KIFC3: variants seen among roughly 807,000 people sequenced by gnomAD.
KIFC3 encodes the protein kinesin-like protein KIFC3.
KIFC3 carries 60 observed loss-of-function variants against 101.8 expected under a neutral mutation model. The observed-to-expected ratio is 0.59, with a 90% CI of 0.48 to 0.73. The LOEUF (loss-of-function observed/expected upper bound fraction) is 0.73. Among genes scored for constraint, KIFC3 ranks in the 30% least tolerant of loss-of-function variants. The pLI, the probability that KIFC3 is intolerant of heterozygous loss-of-function variation, is 0.00. For synonymous variants in KIFC3, 476 were observed against 482.7 expected (o/e 0.99, Z 0.18); for missense variants, 966 against 1,137.1 (o/e 0.85, Z 2.16).
chr16:57,818,774 G>A (rs2055286543), intron 1 of KIFC3, among the ~76,000 whole-genome samples: 1 of 152,202 alleles, frequency 6.6e-6, no homozygotes, highest in African/African-American at 2.4e-5. Flanking sequence ...TATTTGCCCA[G>A]CGTGGTCAAT....
upstream of KIFC3, among the ~76,000 whole-genome samples, chr16:57,803,921 C>T (rs189300530): frequency 6.6e-6 from 1 of 152,140 alleles, no homozygotes; most frequent in African/African-American, 2.4e-5. Context: ...TGGATGAAGG[C>T]AAAATGTCTC....
intron 1 of KIFC3, among the ~76,000 whole-genome samples, chr16:57,809,535 C>G (rs2055017021): frequency 6.6e-6 from 1 of 152,180 alleles, no homozygotes; most frequent in African/African-American, 2.4e-5. Context: ...TCCGTAGGGT[C>G]TGATATTTGA....
At chr16:57,837,084 A>C (rs1479265493) in intron 1 of KIFC3, among the ~76,000 whole-genome samples, 3 of 152,078 alleles carry the variant, frequency 2.0e-5, no homozygotes, top group Non-Finnish European at 2.9e-5. Flanking sequence ...ATGTGTGTGT[A>C]TGTGTTTTGT....
chr16:57,780,578 TA>T (rs1400337211), intron 3 of KIFC3, among the ~76,000 whole-genome samples: 98 of 140,178 alleles, frequency 7.0e-4, no homozygotes, highest in African/African-American at 1.9e-3. Flanking sequence ...TAAAATGATT[TA>T]AAAAAAAAAA....
rs782647619 is a variant in KIFC3 at position 57,765,614 on chromosome 16, G to A, written c.1357C>T (p.Arg453Trp). ...KGNIRVIARV[R>W]PVTKEDGEGP... ...TCCCCATCCTCTTTGGTGACTGGCC[G>A]GACACGAGCAATCACTCGGATGTTC... The change falls in exon 11 of 20, where the codon CGG becomes TGG. Residue 453 changes from arginine (R) to tryptophan (W), a missense_variant. Arg to Trp is a moderately radical substitution (Grantham distance 101). This residue lies in a region of KIFC3 where 689 missense variants were observed against 884.6 expected (regional missense o/e 0.78). Transcript: ENST00000445690. The A allele has an allele frequency of 3.7e-6, 6 of 1,611,470 alleles. No individual in the cohort carries two copies. The highest frequency in any genetic ancestry group is 2.2e-5 in the South Asian group (2 of 90,216).
intron 1 of KIFC3, chr16:57,813,914 C>A: frequency 1.1e-6 from 1 of 951,810 alleles, no homozygotes; most frequent in Non-Finnish European, 1.3e-6. Flanking sequence ...ACCCTGGCAC[C>A]GGGTAGGGGC....
intron 16 of KIFC3, 104 bp from the exon 17 acceptor site, chr16:57,760,520 G>T: frequency 7.2e-7 from 1 of 1,398,042 alleles, no homozygotes; most frequent in East Asian, 2.3e-5. Context: ...TCCTGGAGAG[G>T]CCTGAGGGAT....
intron 1 of KIFC3, among the ~76,000 whole-genome samples, chr16:57,858,452 T>C (rs1334428787): frequency 6.6e-6 from 1 of 152,166 alleles, no homozygotes; most frequent in Non-Finnish European, 1.5e-5. Context: ...AGCAGAAAGA[T>C]ATCCAATATA....
chr16:57,823,096 TC>T (rs1555630145), intron 1 of KIFC3, among the ~76,000 whole-genome samples: 1 of 152,162 alleles, frequency 6.6e-6, no homozygotes, highest in Non-Finnish European at 1.5e-5. Flanking sequence ...AATTCAAAAG[TC>T]GACCAGCATT....
At chr16:57,775,222 A>G in intron 3 of KIFC3, 1 of 1,319,504 alleles carries the variant, frequency 7.6e-7, no homozygotes, top group Non-Finnish European at 9.6e-7. Context: ...GCTGGGGAGC[A>G]TGGGGGATGG....
chr16:57,787,072 T>C (rs11076204), intron 3 of KIFC3, among the ~76,000 whole-genome samples: 39,219 of 152,228 alleles, frequency 0.26, 6,682 homozygotes, highest in African/African-American at 0.48. Context: ...GCCAAGCTCC[T>C]GCGATCTGTT....
chr16:57,772,555 A>C (rs2051393817), intron 3 of KIFC3, among the ~76,000 whole-genome samples: 1 of 152,172 alleles, frequency 6.6e-6, no homozygotes, highest in South Asian at 2.1e-4. Flanking sequence ...GGGCAAGTGC[A>C]ACCAAGGCCA....
At chr16:57,786,543 G>A (rs1555617815) in intron 3 of KIFC3, among the ~76,000 whole-genome samples, 1 of 152,096 alleles carries the variant, frequency 6.6e-6, no homozygotes, top group Non-Finnish European at 1.5e-5. Context: ...GAGGAGGGAT[G>A]GGGGGTTTGC....
At chr16:57,765,980 C>T (rs2965793) in intron 10 of KIFC3, 123,919 of 215,522 alleles carry the variant, frequency 0.57, 39,540 homozygotes, top group Non-Finnish European at 0.69. Context: ...GTTTCTTCAT[C>T]CAGACAATGA....
intron 1 of KIFC3, among the ~76,000 whole-genome samples, chr16:57,858,554 G>T (rs1359873804): frequency 6.6e-6 from 1 of 152,174 alleles, no homozygotes; most frequent in East Asian, 1.9e-4. Context: ...CTGGAGTTCT[G>T]CTCCAGGTGT....
intron 1 of KIFC3, among the ~76,000 whole-genome samples, chr16:57,821,515 T>G (rs1555629914): frequency 1.3e-5 from 2 of 152,132 alleles, no homozygotes; most frequent in Admixed American, 6.5e-5. Context: ...AGGCAGTGAT[T>G]TCTAGACTCA....
At position 57,802,261 on chromosome 16, in the gene KIFC3, G is replaced by T; in HGVS notation, c.-40+109C>A. ...CTCCCCGCGCCCATAGCGGGTCCGG[G>T]CAGAGGGGTCCCGAGGGCAGGGCCG... On this transcript the variant is annotated intron_variant, in intron 1 of 19. Transcript: ENST00000445690. The surrounding 1 kb of genome is among the most constrained non-coding windows in gnomAD (Gnocchi z 5.0). 1 of 532,814 alleles carries T rather than the reference G, an allele frequency of 1.9e-6. No homozygotes were observed. Among genetic ancestry groups the T allele is most frequent in the Non-Finnish European group, 2.4e-6 (1 of 416,128 alleles). The allele number at this position is 532,814 out of a possible 1,614,324, so 33.0% of individuals were successfully genotyped here.
intron 1 of KIFC3, among the ~76,000 whole-genome samples, chr16:57,828,355 G>C (rs2055501019): frequency 6.6e-6 from 1 of 152,246 alleles, no homozygotes; most frequent in Non-Finnish European, 1.5e-5. Context: ...GCCCAAGGCT[G>C]TGCCGCCATT....
intron 1 of KIFC3, among the ~76,000 whole-genome samples, chr16:57,847,250 GGAAGGAAGGAAGGAAGGA>G (rs1567339331): frequency 7.6e-5 from 8 of 105,132 alleles, no homozygotes; most frequent in Non-Finnish European, 9.1e-5. Flanking sequence ...AAGGAAGGAA[GGAAGGAAGGAAGGAAGGA>G]AGGGAAGGGA....
Sources: allele counts gnomAD v4.1 joint callset (sites outside exome capture counted in the v4.1 genomes callset), GRCh38; gene constraint gnomAD v4.1.1; regional missense constraint gnomAD v4.1.1; non-coding constraint Gnocchi (gnomAD v3.1); transcripts MANE v1.5; gene names NCBI Gene and HGNC (gene_info 2026-07-23, HGNC 2026-07-21).